Variants in CMIP observed in about 807,000 individuals in gnomAD.
CMIP encodes c-Maf inducing protein.
CMIP carries 13 observed loss-of-function variants against 97.3 expected under a neutral mutation model. The observed-to-expected ratio is 0.13, with a 90% CI of 0.09 to 0.21. The LOEUF is 0.21. Among genes scored for constraint, CMIP ranks in the 10% least tolerant of loss-of-function variants. The pLI, the probability that CMIP is intolerant of heterozygous loss-of-function variation, is 1.00. For synonymous variants in CMIP, 538 were observed against 436.3 expected, an observed-to-expected ratio of 1.23 and a Z score of -2.91; for missense variants, 847 against 1,024.9, an observed-to-expected ratio of 0.83 and a Z score of 2.37.
intron 16 of CMIP, 119 bp downstream of exon 16, chr16:81,701,919 C>T: frequency 7.8e-7 from 1 of 1,283,364 alleles, no homozygotes; most frequent in Non-Finnish European, 1.1e-6. Flanking sequence ...GAATTCTCCT[C>T]CAAACCCCAG....
At chr16:81,530,802 C>G (rs150956883) in intron 1 of CMIP, among the ~76,000 whole-genome samples, 63 of 152,316 alleles carry the variant, frequency 4.1e-4, no homozygotes, top group African/African-American at 1.4e-3. Context: ...GTGCTAGGCA[C>G]GTACCCTCTT....
intron 1 of CMIP, among the ~76,000 whole-genome samples, chr16:81,515,343 C>T (rs2089891997): frequency 1.3e-5 from 2 of 152,156 alleles, no homozygotes; most frequent in Non-Finnish European, 2.9e-5. Context: ...GCGTTGTGGT[C>T]CCTCACGCTT....
At chr16:81,573,322 C>A (rs2150892568) in intron 1 of CMIP, among the ~76,000 whole-genome samples, 1 of 147,876 alleles carries the variant, frequency 6.8e-6, no homozygotes, top group Admixed American at 6.8e-5. Context: ...CCAGCCTGGA[C>A]AACAGAGCTA....
intron 3 of CMIP, among the ~76,000 whole-genome samples, chr16:81,635,933 C>T (rs74999590): frequency 0.04 from 5,715 of 143,564 alleles, 136 homozygotes; most frequent in Middle Eastern, 0.09. Flanking sequence ...CTCAAATTTT[C>T]GGGGTTTACA....
chr16:81,586,826 A>G (rs539338612), intron 1 of CMIP, among the ~76,000 whole-genome samples: 8 of 152,298 alleles, frequency 5.3e-5, no homozygotes, highest in African/African-American at 1.7e-4. Context: ...GTTCTGGACT[A>G]TGTCACACAG....
rs965808469 is a variant in CMIP at position 81,709,829 on chromosome 16, G to A, written c.*30G>A. The A allele has an allele frequency of 1.9e-6, 3 of 1,611,692 alleles. No individual in the cohort carries two copies. Among genetic ancestry groups the A allele is most frequent in the African/African-American group, 1.3e-5 (1 of 74,774 alleles). Reference sequence around the variant, plus strand: ...CCCAGCTCAAGGCAGGAAGACGTTTGCAACCGCGACAAAATAACTCTTGAC... The same window carrying A: ...CCCAGCTCAAGGCAGGAAGACGTTTACAACCGCGACAAAATAACTCTTGAC... On this transcript the variant is annotated 3_prime_UTR_variant, in exon 21 of 21. Coordinates refer to ENST00000537098, the MANE Select transcript of CMIP (RefSeq NM_198390.3).
At chr16:81,604,999 C>G (rs748910865) in intron 1 of CMIP, among the ~76,000 whole-genome samples, 4 of 152,204 alleles carry the variant, frequency 2.6e-5, no homozygotes, top group Non-Finnish European at 4.4e-5. Flanking sequence ...CCTGTTCCCA[C>G]AGTATATAAA....
chr16:81,543,310 G>A (rs996952668), intron 1 of CMIP, among the ~76,000 whole-genome samples: 1 of 152,192 alleles, frequency 6.6e-6, no homozygotes, highest in African/African-American at 2.4e-5. Flanking sequence ...CATGTCCAGT[G>A]CTACACGGCA....
chr16:81,474,538 C>T (rs1028926363), intron 1 of CMIP, among the ~76,000 whole-genome samples: 3 of 152,184 alleles, frequency 2.0e-5, no homozygotes, highest in East Asian at 1.9e-4. Context: ...GGAGGTGCTG[C>T]GTGAGGATCC....
intron 1 of CMIP, among the ~76,000 whole-genome samples, chr16:81,562,481 G>A (rs1386388335): frequency 2.0e-5 from 3 of 152,280 alleles, no homozygotes; most frequent in Admixed American, 6.5e-5. Context: ...TGCTGGCAGT[G>A]TTGGCAGATG....
At chr16:81,556,475 G>C (rs1315017410) in intron 1 of CMIP, among the ~76,000 whole-genome samples, 2 of 152,168 alleles carry the variant, frequency 1.3e-5, no homozygotes, top group Admixed American at 6.5e-5. Context: ...TGAAGGTTGT[G>C]ATTTCTCCAC....
intron 1 of CMIP, among the ~76,000 whole-genome samples, chr16:81,497,152 G>C (rs2089506636): frequency 6.6e-6 from 1 of 152,212 alleles, no homozygotes; most frequent in Admixed American, 6.5e-5. Flanking sequence ...TCCAACCCCT[G>C]CCTGACAGCC....
chr16:81,661,781 T>C (rs1265612615), intron 6 of CMIP, among the ~76,000 whole-genome samples: 1 of 151,852 alleles, frequency 6.6e-6, no homozygotes, highest in Non-Finnish European at 1.5e-5. Context: ...GAGTCCTCTG[T>C]GTATGTGTCA....
At chr16:81,495,093 G>T (rs1185286208) in intron 1 of CMIP, among the ~76,000 whole-genome samples, 5 of 152,188 alleles carry the variant, frequency 3.3e-5, no homozygotes, top group Non-Finnish European at 4.4e-5. Context: ...CTTCAGTTTT[G>T]TCTTCTGTAA....
chr16:81,579,042 T>C (rs1191128944), intron 1 of CMIP, among the ~76,000 whole-genome samples: 1 of 152,240 alleles, frequency 6.6e-6, no homozygotes, highest in Admixed American at 6.5e-5. Flanking sequence ...CTCCTGAGTC[T>C]GTTTTTCTTC....
At chr16:81,467,296 C>T (rs1336115196) in intron 1 of CMIP, among the ~76,000 whole-genome samples, 6 of 152,184 alleles carry the variant, frequency 3.9e-5, no homozygotes, top group South Asian at 2.1e-4. Context: ...CAACCTTCTG[C>T]CCCGTTGGGA....
At chr16:81,691,463 A>G (rs1906064284) in intron 10 of CMIP, among the ~76,000 whole-genome samples, 1 of 152,162 alleles carries the variant, frequency 6.6e-6, no homozygotes. Flanking sequence ...AACACCCCCT[A>G]ATGGTCCCAA....
chr16:81,536,042 G>C (rs2090336518), intron 1 of CMIP, among the ~76,000 whole-genome samples: 2 of 152,176 alleles, frequency 1.3e-5, no homozygotes, highest in Admixed American at 6.5e-5. Flanking sequence ...TGTGATCCCT[G>C]TTTGCAGTGT....
chr16:81,687,169 C>G (rs1033790380), intron 10 of CMIP, among the ~76,000 whole-genome samples: 3 of 152,200 alleles, frequency 2.0e-5, no homozygotes, highest in African/African-American at 7.2e-5. Context: ...GGCCCGGTCC[C>G]AGTGTGCACT....
Sources: allele counts gnomAD v4.1 joint callset (sites outside exome capture counted in the v4.1 genomes callset), GRCh38; gene constraint gnomAD v4.1.1; transcripts MANE v1.5; gene names NCBI Gene and HGNC (gene_info 2026-07-23, HGNC 2026-07-21).